The following RPF2 variants were observed in gnomAD, a reference collection of about 807,000 sequenced individuals.
The protein encoded by RPF2 is brix domain containing 1.
In RPF2, 21 loss-of-function variants were observed where a neutral mutation model predicts 38.9. The ratio of observed to expected loss-of-function variants is 0.54; its 90% CI spans 0.38 to 0.78. The LOEUF is 0.78. Ranked by LOEUF, RPF2 falls within the 30% of genes least tolerant of loss-of-function variation. RPF2 has a pLI of 0.00. For missense variants in RPF2, 314 were observed against 358.1 expected, an observed-to-expected ratio of 0.88 and a Z score of 0.99; for synonymous variants, 121 against 126.2, an observed-to-expected ratio of 0.96 and a Z score of 0.28.
intron 8 of RPF2, among the ~76,000 whole-genome samples, chr6:111,016,145 G>T (rs1181930413): frequency 6.6e-6 from 1 of 152,154 alleles, no homozygotes; most frequent in East Asian, 1.9e-4. Context: ...TGGATTTACA[G>T]CACTAAGCCA....
At chr6:110,994,676 C>T (rs1242220888) in intron 4 of RPF2, among the ~76,000 whole-genome samples, 3 of 148,970 alleles carry the variant, frequency 2.0e-5, no homozygotes, top group Admixed American at 6.7e-5. Context: ...TTGACTACCC[C>T]GTTCTAGAAT....
At chr6:110,990,559 A>ACCCCCCCCCC (rs34703789) in intron 3 of RPF2, among the ~76,000 whole-genome samples, 1 of 77,278 alleles carries the variant, frequency 1.3e-5, no homozygotes, top group Non-Finnish European at 2.7e-5. Flanking sequence ...GCAATTGGGA[A>ACCCCCCCCCC]CCCCCCCCCC....
At chr6:110,995,543 T>C (rs576281957) in intron 4 of RPF2, among the ~76,000 whole-genome samples, 1 of 152,080 alleles carries the variant, frequency 6.6e-6, no homozygotes, top group African/African-American at 2.4e-5. Context: ...TAAAGAAAAA[T>C]GGAGGGTTAT....
intron 8 of RPF2, among the ~76,000 whole-genome samples, chr6:111,017,464 C>T (rs1342091040): frequency 4.0e-5 from 6 of 151,022 alleles, no homozygotes; most frequent in Non-Finnish European, 7.4e-5. Context: ...GACGGGGCGG[C>T]TGCCGGGCGG....
intron 8 of RPF2, among the ~76,000 whole-genome samples, chr6:111,017,741 G>C (rs1306809736): frequency 6.8e-6 from 1 of 147,176 alleles, no homozygotes; most frequent in Non-Finnish European, 1.5e-5. Context: ...GGGCAGCCGG[G>C]CAGAGGGGCT....
intron 9 of RPF2, 72 bp downstream of exon 9, chr6:111,024,399 A>G: frequency 7.0e-7 from 1 of 1,430,926 alleles, no homozygotes; most frequent in Non-Finnish European, 9.4e-7. Context: ...TCCAAAAAGA[A>G]TTTGTGGCAT....
At position 111,025,508 on chromosome 6, in the gene RPF2, G is replaced by A. The variant is rs142591516; in HGVS notation, c.847G>A (p.Gly283Arg). The A allele has an allele frequency of 1.7e-5, 27 of 1,613,472 alleles. No homozygotes were observed. The African/African-American group carries it at 3.5e-4, about 21-fold the overall frequency. The change falls in exon 10 of 10, where the codon GGG becomes AGG. Residue 283 changes from glycine (G) to arginine (R), a missense_variant. Transcript: ENST00000441448. ...LSKLQTRKMKGLKKRPAERIT... is the reference protein window; with the variant it reads ...LSKLQTRKMKRLKKRPAERIT... ...CAAACTACAAACCAGGAAAATGAAG[G>A]GGTTGAAGAAGCGACCTGCAGAAAG...
intron 2 of RPF2, among the ~76,000 whole-genome samples, chr6:110,988,061 A>G (rs538481883): frequency 5.3e-5 from 8 of 152,096 alleles, no homozygotes; most frequent in African/African-American, 7.2e-5. Context: ...TCAAAATACA[A>G]AAATTAGCTG....
At chr6:111,003,181 T>C (rs1482307248) in intron 6 of RPF2, among the ~76,000 whole-genome samples, 7 of 151,760 alleles carry the variant, frequency 4.6e-5, no homozygotes, top group African/African-American at 1.7e-4. Context: ...TTGGTACACT[T>C]TCCCTTATTT....
chr6:111,005,724 G>A (rs1349936051), intron 6 of RPF2, among the ~76,000 whole-genome samples: 2 of 152,070 alleles, frequency 1.3e-5, no homozygotes, highest in African/African-American at 4.8e-5. Context: ...GGACTTCCCT[G>A]GGCTCAAGTG....
At chr6:110,985,921 G>C (rs1453167384) in intron 2 of RPF2, among the ~76,000 whole-genome samples, 1 of 142,464 alleles carries the variant, frequency 7.0e-6, no homozygotes, top group Non-Finnish European at 1.5e-5. Context: ...GAGTGACAGA[G>C]AGAGACTCCA....
rs777697086 is a variant in RPF2 at position 111,011,299 on chromosome 6, TCTTTC to T, written c.493+3163_493+3167del. On this transcript the variant is annotated intron_variant, in intron 7 of 9. Coordinates refer to ENST00000441448, the MANE Select transcript of RPF2 (RefSeq NM_032194.3). Reference sequence around the variant, plus strand: ...ATTTTTCTTTCTTTCTTTCTTTCTTTCTTTCTTTCTTTTTTTTTTTGAGACATAGT... The same window carrying T: ...ATTTTTCTTTCTTTCTTTCTTTCTTTTTTCTTTTTTTTTTTGAGACATAGT... Among the ~76,000 whole-genome samples, 1,080 of 146,866 alleles carry T rather than the reference TCTTTC, an allele frequency of 7.4e-3. 30 individuals carry two copies. The highest frequency in any genetic ancestry group is 0.022 in the African/African-American group (890 of 39,736).
At chr6:111,008,992 CG>C (rs1311716488) in intron 7 of RPF2, among the ~76,000 whole-genome samples, 1 of 149,758 alleles carries the variant, frequency 6.7e-6, no homozygotes, top group African/African-American at 2.5e-5. Flanking sequence ...CTCCACCTCC[CG>C]GGTTCAAGCG....
chr6:111,005,867 T>C (rs1020965420), intron 6 of RPF2, among the ~76,000 whole-genome samples: 7 of 152,058 alleles, frequency 4.6e-5, no homozygotes, highest in African/African-American at 1.4e-4. Context: ...GCTGGAGTGC[T>C]GTGGCGCTAT....
chr6:110,990,651 C>A (rs1379124570), intron 3 of RPF2, among the ~76,000 whole-genome samples: 1 of 149,274 alleles, frequency 6.7e-6, no homozygotes, highest in Non-Finnish European at 1.5e-5. Flanking sequence ...GTGGTGCGAC[C>A]TCAGCTCACC....
chr6:111,007,272 T>C (rs1358754984), intron 6 of RPF2, among the ~76,000 whole-genome samples: 1 of 152,272 alleles, frequency 6.6e-6, no homozygotes, highest in Non-Finnish European at 1.5e-5. Context: ...TGTTTTGTTT[T>C]GTTTTCCTTT....
chr6:110,999,019 A>G (rs1291945498), intron 5 of RPF2, among the ~76,000 whole-genome samples: 2 of 152,152 alleles, frequency 1.3e-5, no homozygotes, highest in African/African-American at 4.8e-5. Flanking sequence ...CTACCAATAC[A>G]GTGAAGTGCC....
chr6:111,023,511 A>T (rs1772268505), intron 8 of RPF2, among the ~76,000 whole-genome samples: 1 of 152,208 alleles, frequency 6.6e-6, no homozygotes, highest in Non-Finnish European at 1.5e-5. Context: ...GAAGAAGTCA[A>T]ATCAAAGGAT....
intron 1 of RPF2, chr6:110,982,371 C>T: frequency 5.2e-6 from 3 of 580,870 alleles, no homozygotes; most frequent in Non-Finnish European, 6.1e-6. Flanking sequence ...CCGCTTTTAT[C>T]CTAGCCAGTT....
Sources: allele counts gnomAD v4.1 joint callset (sites outside exome capture counted in the v4.1 genomes callset), GRCh38; gene constraint gnomAD v4.1.1; transcripts MANE v1.5; gene names NCBI Gene and HGNC (gene_info 2026-07-23, HGNC 2026-07-21).